SNTB1: variants seen among roughly 807,000 people sequenced by gnomAD.
SNTB1 encodes the protein beta-1-syntrophin.
SNTB1 carries 36 observed loss-of-function variants against 48.9 expected under a neutral mutation model. That is an observed-to-expected ratio of 0.74 (90% confidence interval 0.56 to 0.97). The LOEUF (loss-of-function observed/expected upper bound fraction) is 0.97. SNTB1 is among the 50% of genes least tolerant of loss of function. The probability of loss-of-function intolerance (pLI) is 0.00; values close to 1 mark genes in which losing one functional copy is unlikely to be tolerated. For synonymous variants in SNTB1, 299 were observed against 294.6 expected, an observed-to-expected ratio of 1.01 and a Z score of -0.15; for missense variants, 786 against 703.4, an observed-to-expected ratio of 1.12 and a Z score of -1.33.
At chr8:120,556,890 C>T (rs1586993131) in intron 4 of SNTB1, among the ~76,000 whole-genome samples, 1 of 152,216 alleles carries the variant, frequency 6.6e-6, no homozygotes, top group African/African-American at 2.4e-5. Context: ...TACTGATCAT[C>T]TCCACTCTGA....
chr8:120,660,459 C>T (rs911715970), intron 2 of SNTB1, among the ~76,000 whole-genome samples: 1 of 152,222 alleles, frequency 6.6e-6, no homozygotes, highest in South Asian at 2.1e-4. Flanking sequence ...AGCATCTTCA[C>T]CTCTCTTAGT....
At chr8:120,586,301 T>C (rs1375603800) in intron 3 of SNTB1, among the ~76,000 whole-genome samples, 1 of 152,232 alleles carries the variant, frequency 6.6e-6, no homozygotes, top group Non-Finnish European at 1.5e-5. Flanking sequence ...CGTTTCCTAT[T>C]GGTGCTGCAA....
chr8:120,771,637 T>C (rs1819636235), intron 1 of SNTB1, among the ~76,000 whole-genome samples: 1 of 151,786 alleles, frequency 6.6e-6, no homozygotes, highest in Admixed American at 6.6e-5. Flanking sequence ...GGGTGTGACA[T>C]GAAGACAATA....
intron 2 of SNTB1, among the ~76,000 whole-genome samples, chr8:120,691,245 TG>T (rs1818122623): frequency 6.6e-6 from 1 of 152,224 alleles, no homozygotes; most frequent in South Asian, 2.1e-4. Flanking sequence ...TTCTCCCTAG[TG>T]TATGAATTGC....
chr8:120,732,698 T>A lies in SNTB1; in HGVS notation c.572-38790A>T, dbSNP rs190935574. Among the ~76,000 whole-genome samples the A allele has an allele frequency of 9.2e-5, 14 of 152,216 alleles. No homozygotes were observed. In the East Asian group the frequency reaches 2.7e-3, roughly 29 times the overall value. On this transcript the variant is annotated intron_variant, in intron 1 of 6. Coordinates refer to ENST00000517992, the MANE Select transcript of SNTB1 (RefSeq NM_021021.4). ...CGTCTCTATTAAACGTACAAAAATT[T>A]AGCTGGGCATGTTGGCGCATGCCTG... is the stretch of plus-strand genomic sequence containing the variant.
At chr8:120,630,070 C>T (rs1816955024) in intron 3 of SNTB1, among the ~76,000 whole-genome samples, 1 of 152,146 alleles carries the variant, frequency 6.6e-6, no homozygotes, top group African/African-American at 2.4e-5. Context: ...AGAAAAGTAC[C>T]TTCAAGAATT....
At chr8:120,734,428 C>T (rs1002172722) in intron 1 of SNTB1, among the ~76,000 whole-genome samples, 2 of 142,220 alleles carry the variant, frequency 1.4e-5, no homozygotes, top group Non-Finnish European at 3.0e-5. Context: ...GCCTGTGTGA[C>T]AGAGCGAGAT....
intron 3 of SNTB1, among the ~76,000 whole-genome samples, chr8:120,625,013 T>C (rs7465542): frequency 1 from 151,979 of 152,354 alleles, 75,803 homozygotes; most frequent in Middle Eastern, 1. Flanking sequence ...ATGGGGCCTC[T>C]AGTGCCTGAG....
chr8:120,619,225 C>A (rs1398987969), intron 3 of SNTB1, among the ~76,000 whole-genome samples: 1 of 151,652 alleles, frequency 6.6e-6, no homozygotes, highest in Non-Finnish European at 1.5e-5. Flanking sequence ...GAAAGGTGTT[C>A]TTATAATTTA....
intron 1 of SNTB1, among the ~76,000 whole-genome samples, chr8:120,806,485 T>G (rs779884886): frequency 2.6e-5 from 4 of 152,274 alleles, no homozygotes; most frequent in Non-Finnish European, 5.9e-5. Context: ...TTTTAACAAT[T>G]TATTTTATTT....
At chr8:120,617,835 T>C (rs1816739380) in intron 3 of SNTB1, among the ~76,000 whole-genome samples, 1 of 152,206 alleles carries the variant, frequency 6.6e-6, no homozygotes, top group Admixed American at 6.5e-5. Context: ...CTAAGGGGGA[T>C]GCCCATGTGA....
chr8:120,583,555 AC>A (rs1816084507), intron 3 of SNTB1, among the ~76,000 whole-genome samples: 2 of 126,912 alleles, frequency 1.6e-5, no homozygotes, highest in Admixed American at 8.1e-5. Context: ...ACACACACAC[AC>A]ACACAAAACT....
At chr8:120,711,135 C>T (rs773414457) in intron 1 of SNTB1, among the ~76,000 whole-genome samples, 13 of 152,212 alleles carry the variant, frequency 8.5e-5, no homozygotes, top group Middle Eastern at 3.4e-3. Flanking sequence ...GGAAACAAAA[C>T]GAGAGTTTTA....
intron 3 of SNTB1, among the ~76,000 whole-genome samples, chr8:120,597,787 C>A (rs866205238): frequency 6.6e-6 from 1 of 152,246 alleles, no homozygotes; most frequent in African/African-American, 2.4e-5. Context: ...CATCAGGACA[C>A]AGGCCCCGGC....
intron 1 of SNTB1, among the ~76,000 whole-genome samples, chr8:120,723,245 ATGT>A: frequency 6.6e-6 from 1 of 152,202 alleles, no homozygotes. Context: ...TCATGGTGTT[ATGT>A]TGTTGCTATA....
At position 120,590,741 on chromosome 8, in the gene SNTB1, C is replaced by T. The variant is rs541452014; in HGVS notation, c.997-15516G>A. ...TGTAGTCTAGGCTGGAGTGCAGTGG[C>T]GCGATCTCGGCTCACTGCAACCTCC... is the stretch of plus-strand genomic sequence containing the variant. On this transcript the variant is annotated intron_variant, in intron 3 of 6. Transcript: ENST00000517992. Among the ~76,000 whole-genome samples the T allele has an allele frequency of 2.8e-3, 398 of 144,258 alleles. 1 individual carries two copies. The highest frequency in any genetic ancestry group is 9.0e-3 in the African/African-American group (341 of 37,972). 94.6% of individuals were successfully genotyped at this position (144,258 alleles called of 152,430 possible).
intron 1 of SNTB1, among the ~76,000 whole-genome samples, chr8:120,785,369 G>A (rs1465519580): frequency 1.3e-5 from 2 of 152,178 alleles, no homozygotes; most frequent in African/African-American, 2.4e-5. Context: ...CAGGCTGCCT[G>A]GAACCCAGCT....
At chr8:120,543,927 T>A (rs564892019) in intron 5 of SNTB1, among the ~76,000 whole-genome samples, 7 of 151,202 alleles carry the variant, frequency 4.6e-5, no homozygotes, top group Non-Finnish European at 1.0e-4. Flanking sequence ...GAGATTGTGC[T>A]GATAGCACTG....
At chr8:120,638,191 C>T (rs1373746786) in intron 2 of SNTB1, 2 of 152,082 alleles carry the variant, frequency 1.3e-5, no homozygotes, top group African/African-American at 2.4e-5. Context: ...CCAGACATCC[C>T]TTTTATCAAT....
Sources: gnomAD v4.1 joint callset for allele counts (sites outside exome capture counted in the v4.1 genomes callset) on GRCh38, gnomAD v4.1.1 for gene constraint, MANE v1.5 for transcripts, NCBI Gene and HGNC (gene_info 2026-07-23, HGNC 2026-07-21) for gene names.